Variants in FBN1 observed in about 807,000 individuals in gnomAD.
The protein encoded by FBN1 is fibrillin 1, also known as fibrillin-1.
Under a neutral mutation model 365.1 loss-of-function variants are expected in FBN1, and 29 were observed. The ratio of observed to expected loss-of-function variants is 0.08; its 90% CI spans 0.06 to 0.11. FBN1 has a LOEUF of 0.11. Among genes scored for constraint, FBN1 ranks in the 10% least tolerant of loss-of-function variants. FBN1 has a pLI of 1.00. For missense variants in FBN1, 2,476 were observed against 3,703.2 expected, an observed-to-expected ratio of 0.67 and a Z score of 8.60; for synonymous variants, 1,210 against 1,270.5, an observed-to-expected ratio of 0.95 and a Z score of 1.01.
intron 6 of FBN1, among the ~76,000 whole-genome samples, chr15:48,593,091 G>A (rs557764212): frequency 6.6e-6 from 1 of 152,260 alleles, no homozygotes; most frequent in South Asian, 2.1e-4. Flanking sequence ...ACTGTTATAT[G>A]ACTATTATGA....
chr15:48,589,220 T>C (rs1011111915), intron 6 of FBN1, among the ~76,000 whole-genome samples: 8 of 151,976 alleles, frequency 5.3e-5, no homozygotes, highest in African/African-American at 1.9e-4. Flanking sequence ...TCTGCCCCCA[T>C]TAAAGGAACT....
chr15:48,416,325 T>A (rs1566890160), intron 63 of FBN1, among the ~76,000 whole-genome samples: 1 of 152,290 alleles, frequency 6.6e-6, no homozygotes, highest in Non-Finnish European at 1.5e-5. Context: ...GCCCCAAGTG[T>A]CTGCCCCACG....
chr15:48,458,869 A>T (rs1404273893), intron 43 of FBN1, among the ~76,000 whole-genome samples: 4 of 152,226 alleles, frequency 2.6e-5, no homozygotes. Flanking sequence ...TTTTTCAGTC[A>T]TCTAAATATT....
chr15:48,412,381 G>A (rs1234050113), intron 65 of FBN1, among the ~76,000 whole-genome samples, 188 bp downstream of exon 65: 1 of 152,144 alleles, frequency 6.6e-6, no homozygotes, highest in Non-Finnish European at 1.5e-5. Flanking sequence ...GGCCACTCCC[G>A]AAAAGCAGCA....
chr15:48,589,295 C>T (rs1253033878), intron 6 of FBN1, among the ~76,000 whole-genome samples: 1 of 152,174 alleles, frequency 6.6e-6, no homozygotes, highest in South Asian at 2.1e-4. Flanking sequence ...AAGTAGCCTA[C>T]AAAGTGGGCC....
chr15:48,556,847 T>A (rs919813671), intron 6 of FBN1, among the ~76,000 whole-genome samples: 52 of 152,332 alleles, frequency 3.4e-4, no homozygotes, highest in African/African-American at 1.2e-3. Context: ...TGTAATTGTC[T>A]CAAGCACATA....
intron 38 of FBN1, among the ~76,000 whole-genome samples, chr15:48,467,433 GA>G (rs1007492905): frequency 9.2e-5 from 14 of 152,230 alleles, no homozygotes; most frequent in African/African-American, 2.9e-4. Flanking sequence ...TTGGAAAAAC[GA>G]AAACCCTTTT....
chr15:48,553,873 TAGA>T lies in FBN1; in HGVS notation c.539-16068_539-16066del, dbSNP rs565039224. 2.1e-3 allele frequency among the ~76,000 whole-genome samples: 319 copies of T among 152,280 alleles called. 5 individuals carry two copies. Among genetic ancestry groups the T allele is most frequent in the African/African-American group, 7.4e-3 (307 of 41,576 alleles). ...TATTTTAGAATTGGAAGGAAACTTA[TAGA>T]AGAAGAAAAAGAAAATGAGCATTTA... On this transcript the variant is annotated intron_variant, in intron 6 of 65. Coordinates refer to ENST00000316623, the MANE Select transcript of FBN1 (RefSeq NM_000138.5).
rs2044650738 is a variant in FBN1 at position 48,610,817 on chromosome 15, C to T, written c.257G>A (p.Arg86Gln). The change falls in exon 4 of 66, where the codon CGG becomes CAG. Residue 86 changes from arginine (R) to glutamine (Q), a missense_variant. Transcript: ENST00000316623. ...GGNQCIVPIC[R>Q]HSCGDGFCSR... ...ACAAAATCCATCCCCACAGGAATGC[C>T]GGCAAATGGCTGTGAATAAACCAGA... 4 of 1,613,816 alleles carry T rather than the reference C, an allele frequency of 2.5e-6. No individual in the cohort carries two copies. Among genetic ancestry groups the T allele is most frequent in the Non-Finnish European group, 1.7e-6 (2 of 1,179,798 alleles).
At chr15:48,624,554 G>A (rs545228803) in intron 2 of FBN1, among the ~76,000 whole-genome samples, 105 of 152,330 alleles carry the variant, frequency 6.9e-4, no homozygotes, top group Non-Finnish European at 1.3e-3. Context: ...CTTCCAAACA[G>A]AAAATCCAGC....
At chr15:48,534,694 A>G (rs1380372962) in intron 7 of FBN1, among the ~76,000 whole-genome samples, 2 of 152,228 alleles carry the variant, frequency 1.3e-5, no homozygotes, top group Non-Finnish European at 2.9e-5. Flanking sequence ...GGTCACTCAG[A>G]CTACACGAGA....
intron 2 of FBN1, among the ~76,000 whole-genome samples, chr15:48,623,153 T>C (rs1043826970): frequency 6.6e-6 from 1 of 152,182 alleles, no homozygotes; most frequent in African/African-American, 2.4e-5. Context: ...CACAAGATAA[T>C]ATTGACTAAA....
Position 48,516,336 on chromosome 15 carries a change from G to C in FBN1, c.1174C>G (p.Pro392Ala), listed in dbSNP as rs749467972. The change falls in exon 11 of 66, where the codon CCT becomes GCT. Residue 392 changes from proline to alanine, a missense_variant. By Grantham distance (27) the Pro-to-Ala change is conservative. Transcript: ENST00000316623. Reference protein sequence around the residue: ...TEDFNKLCSVPMVIPGRPEYP... With the variant: ...TEDFNKLCSVAMVIPGRPEYP... Reference sequence around the variant, plus strand: ...TCTGGTCTCCCAGGAATTACCATAGGAACAGAGCACAGCTTGTTGAAATCC... The same window carrying C: ...TCTGGTCTCCCAGGAATTACCATAGCAACAGAGCACAGCTTGTTGAAATCC... 11 of 1,613,670 alleles carry C rather than the reference G, an allele frequency of 6.8e-6. No individual in the cohort carries two copies. Among genetic ancestry groups the C allele is most frequent in the Non-Finnish European group, 9.3e-6 (11 of 1,179,916 alleles).
At chr15:48,506,557 A>T (rs1837617209) in intron 15 of FBN1, among the ~76,000 whole-genome samples, 1 of 152,246 alleles carries the variant, frequency 6.6e-6, no homozygotes, top group Non-Finnish European at 1.5e-5. Flanking sequence ...AGGGTTTTTA[A>T]TAAGAACGGA....
At chr15:48,638,477 C>A (rs571991829) in intron 2 of FBN1, among the ~76,000 whole-genome samples, 1 of 152,088 alleles carries the variant, frequency 6.6e-6, no homozygotes, top group Non-Finnish European at 1.5e-5. Flanking sequence ...AGTTTATGTC[C>A]CTGGAGTAAT....
intron 4 of FBN1, among the ~76,000 whole-genome samples, chr15:48,604,014 A>G (rs2044587328): frequency 6.6e-6 from 1 of 152,248 alleles, no homozygotes; most frequent in Non-Finnish European, 1.5e-5. Flanking sequence ...ACAGTGACTT[A>G]CTGAACGTCT....
intron 2 of FBN1, among the ~76,000 whole-genome samples, chr15:48,631,694 A>T (rs1472530969): frequency 6.6e-6 from 1 of 152,234 alleles, no homozygotes; most frequent in Non-Finnish European, 1.5e-5. Context: ...AAGAGGGCTT[A>T]TCTCTTTACC....
intron 6 of FBN1, among the ~76,000 whole-genome samples, chr15:48,567,261 G>A (rs547079108): frequency 6.6e-6 from 1 of 152,270 alleles, no homozygotes; most frequent in South Asian, 2.1e-4. Flanking sequence ...TAATTCATCA[G>A]TGGGGCTTTT....
intron 6 of FBN1, among the ~76,000 whole-genome samples, chr15:48,562,451 T>C (rs970072559): frequency 3.9e-5 from 6 of 152,176 alleles, no homozygotes; most frequent in African/African-American, 1.4e-4. Context: ...ATTGAGTCAA[T>C]GTAAGAGAAC....
Sources: gnomAD v4.1 joint callset for allele counts (sites outside exome capture counted in the v4.1 genomes callset) on GRCh38, gnomAD v4.1.1 for gene constraint, MANE v1.5 for transcripts, NCBI Gene and HGNC (gene_info 2026-07-23, HGNC 2026-07-21) for gene names.